The following FANCL variants were observed in gnomAD, a reference collection of about 807,000 sequenced individuals.
The protein encoded by FANCL is E3 ubiquitin-protein ligase FANCL.
Under a neutral mutation model 59.4 loss-of-function variants are expected in FANCL, and 69 were observed. The ratio of observed to expected loss-of-function variants is 1.16; its 90% CI spans 0.96 to 1.42. FANCL has a LOEUF of 1.42. FANCL is among the 40% of genes most tolerant of loss of function. FANCL has a pLI of 0.00. For synonymous variants in FANCL, 180 were observed against 147.1 expected (o/e 1.22, Z -1.62); for missense variants, 519 against 447.2 (o/e 1.16, Z -1.45).
chr2:58,160,050 AGAACATATTACT>A (rs1027560577), intron 13 of FANCL, 46 bp downstream of exon 13: 4 of 1,606,574 alleles, frequency 2.5e-6, no homozygotes, highest in African/African-American at 1.3e-5. Flanking sequence ...TCTATCTTCT[AGAACATATTACT>A]GAAAGCTAGG....
chr2:58,202,255 A>G (rs935410235), intron 6 of FANCL, among the ~76,000 whole-genome samples: 1 of 150,444 alleles, frequency 6.6e-6, no homozygotes, highest in Non-Finnish European at 1.5e-5. Context: ...AAAAAAAAAA[A>G]AAAAAAGACT....
At chr2:58,212,677 A>C (rs1223699825) in intron 5 of FANCL, among the ~76,000 whole-genome samples, 2 of 152,162 alleles carry the variant, frequency 1.3e-5, no homozygotes, top group East Asian at 3.9e-4. Context: ...ATTCTGTAAA[A>C]CAACATGGGC....
intron 7 of FANCL, among the ~76,000 whole-genome samples, chr2:58,172,758 T>C (rs530981177): frequency 6.6e-6 from 1 of 152,248 alleles, no homozygotes; most frequent in African/African-American, 2.4e-5. Flanking sequence ...ACACAGCTCC[T>C]CACCAGCAAT....
intron 12 of FANCL, among the ~76,000 whole-genome samples, chr2:58,161,264 G>T (rs928421483): frequency 2.0e-5 from 3 of 151,856 alleles, no homozygotes; most frequent in Non-Finnish European, 4.4e-5. Context: ...AATTTGTTAT[G>T]TGTCAATAAG....
At chr2:58,206,992 G>T (rs1417281031) in intron 5 of FANCL, among the ~76,000 whole-genome samples, 3 of 152,056 alleles carry the variant, frequency 2.0e-5, no homozygotes, top group Admixed American at 6.6e-5. Context: ...TAGGATCCCT[G>T]CCCCCACTCA....
intron 1 of FANCL, among the ~76,000 whole-genome samples, chr2:58,240,084 T>G (rs569635476): frequency 6.8e-6 from 1 of 146,216 alleles, no homozygotes; most frequent in South Asian, 2.2e-4. Context: ...GTATTTTGCC[T>G]AAAATTAGGT....
At chr2:58,190,669 T>C (rs1346321643) in intron 7 of FANCL, among the ~76,000 whole-genome samples, 2 of 152,022 alleles carry the variant, frequency 1.3e-5, no homozygotes, top group East Asian at 3.9e-4. Flanking sequence ...TTACATCACA[T>C]AAGTTCAAAA....
chr2:58,164,626 T>G (rs1011947994), intron 8 of FANCL, among the ~76,000 whole-genome samples: 2 of 152,036 alleles, frequency 1.3e-5, no homozygotes, highest in Non-Finnish European at 2.9e-5. Flanking sequence ...GGGAATGAAT[T>G]AAAAACTAGA....
rs548438229 is a variant in FANCL, at chr2:58,194,247, C to T, written c.540+4347G>A. On this transcript the variant is annotated intron_variant, in intron 7 of 13. Coordinates refer to ENST00000233741, the MANE Select transcript of FANCL (RefSeq NM_018062.4). ...CACTTACAGGCAAAACCGCAATTTTCACATCCATTTTTGCTTGATCAGTGA... is the reference window on the plus strand; with the variant it reads ...CACTTACAGGCAAAACCGCAATTTTTACATCCATTTTTGCTTGATCAGTGA... 5.9e-5 allele frequency: 28 copies of T among 470,940 alleles called. No individual in the cohort carries two copies. Among genetic ancestry groups the T allele is most frequent in the Non-Finnish European group, 1.1e-4 (24 of 227,016 alleles). 29.2% of individuals were successfully genotyped at this position (470,940 alleles called of 1,614,324 possible).
chr2:58,176,248 G>A (rs371659651), intron 7 of FANCL, among the ~76,000 whole-genome samples: 7 of 152,072 alleles, frequency 4.6e-5, no homozygotes, highest in Admixed American at 2.6e-4. Context: ...CAAGCTACCA[G>A]TGACTTTCTT....
intron 6 of FANCL, 60 bp from the exon 7 acceptor site, chr2:58,198,722 AT>A: frequency 2.2e-6 from 3 of 1,380,370 alleles, no homozygotes; most frequent in Middle Eastern, 1.9e-4. Flanking sequence ...TCACTGAGGT[AT>A]TTTAGAAAAA....
At chr2:58,215,852 C>T (rs1269084666) in intron 5 of FANCL, among the ~76,000 whole-genome samples, 1 of 151,704 alleles carries the variant, frequency 6.6e-6, no homozygotes, top group African/African-American at 2.4e-5. Context: ...CTGATAAATC[C>T]TTAAACTGTA....
At chr2:58,233,924 G>A (rs935636815) in intron 1 of FANCL, among the ~76,000 whole-genome samples, 3 of 151,750 alleles carry the variant, frequency 2.0e-5, no homozygotes, top group African/African-American at 7.3e-5. Context: ...AAGAAAAGTG[G>A]GAAACTTAGG....
intron 3 of FANCL, 85 bp downstream of exon 3, chr2:58,229,729 T>C: frequency 8.0e-6 from 8 of 998,012 alleles, no homozygotes; most frequent in East Asian, 2.5e-5. Context: ...TGTTACAACA[T>C]TGTGCAAAGC....
At chr2:58,161,491 AAAAAG>A in intron 12 of FANCL, 26 bp downstream of exon 12, 1 of 1,360,968 alleles carries the variant, frequency 7.3e-7, no homozygotes, top group Non-Finnish European at 1.1e-6. Context: ...TGTTAGCGGA[AAAAAG>A]TCTTGACAAT....
intron 12 of FANCL, 64 bp from the exon 13 acceptor site, chr2:58,160,243 G>A: frequency 2.0e-6 from 3 of 1,494,196 alleles, no homozygotes; most frequent in Non-Finnish European, 2.8e-6. Flanking sequence ...TACTCCAAAT[G>A]TCATTCCCTT....
At position 58,222,018 on chromosome 2, in the gene FANCL, C is replaced by G. The variant is rs1451873493; in HGVS notation, c.298G>C (p.Glu100Gln). 1 of 1,613,142 alleles carries G rather than the reference C, an allele frequency of 6.2e-7. No individual in the cohort carries two copies. The highest frequency in any genetic ancestry group is 1.7e-5 in the Admixed American group (1 of 59,990). ...GGAGGAGGAGGTAGTGCATACAGCT[C>G]TTGTCTATTCTTTAAGGCAACTTCC... ...LLEVALKNRQ[E>Q]LYALPPPPQF... The change falls in exon 5 of 14, where the codon GAG (glutamate) becomes CAG (glutamine). Residue 100 changes from glutamate to glutamine, a missense_variant. Physicochemically the swap from Glu to Gln is conservative, Grantham distance 29 (BLOSUM62 2). Transcript: ENST00000233741.
At chr2:58,201,606 T>A (rs17049404) in intron 6 of FANCL, among the ~76,000 whole-genome samples, 4 of 151,972 alleles carry the variant, frequency 2.6e-5, no homozygotes, top group Non-Finnish European at 5.9e-5. Context: ...CTGATCTTGA[T>A]TGACCAAAGC....
intron 5 of FANCL, among the ~76,000 whole-genome samples, chr2:58,215,733 A>C (rs762692084): frequency 3.3e-5 from 5 of 150,854 alleles, no homozygotes; most frequent in Admixed American, 6.6e-5. Flanking sequence ...CATTTCCGCC[A>C]ATCTCTTGAG....
Sources: allele counts gnomAD v4.1 joint callset (sites outside exome capture counted in the v4.1 genomes callset), GRCh38; gene constraint gnomAD v4.1.1; transcripts MANE v1.5; gene names NCBI Gene and HGNC (gene_info 2026-07-23, HGNC 2026-07-21).